Variants in TMEM135 observed in about 807,000 individuals in gnomAD.
TMEM135 encodes the protein peroxisomal membrane protein 52.
TMEM135 carries 30 observed loss-of-function variants against 60.3 expected under a neutral mutation model. The observed-to-expected ratio is 0.50, with a 90% CI of 0.37 to 0.68. The LOEUF (loss-of-function observed/expected upper bound fraction) is 0.68. TMEM135 is among the 30% of genes least tolerant of loss of function. The pLI is 0.00. For synonymous variants in TMEM135, 190 were observed against 186.7 expected, an observed-to-expected ratio of 1.02 and a Z score of -0.14; for missense variants, 468 against 548.8, an observed-to-expected ratio of 0.85 and a Z score of 1.47.
In TMEM135 at chr11:87,323,499, A is replaced by C. The variant is rs1399766143; in HGVS notation, c.*2166A>C. On this transcript the variant is annotated 3_prime_UTR_variant, in exon 15 of 15. Transcript: ENST00000305494. ...TGATTGACAACTTTTTGGCATTATA[A>C]ATAAAGTAAAATAGATCTCTGCATT... is the stretch of plus-strand genomic sequence containing the variant. 2.2e-6 allele frequency: 1 copy of C among 453,942 alleles called. No homozygotes were observed. The allele number at this position is 453,942 out of a possible 1,614,324, so 28.1% of individuals were successfully genotyped here.
At chr11:87,152,555 C>A (rs1359285151) in intron 4 of TMEM135, among the ~76,000 whole-genome samples, 1 of 152,198 alleles carries the variant, frequency 6.6e-6, no homozygotes. Flanking sequence ...TCTCCAGCCT[C>A]AGCCTTCCAA....
intron 1 of TMEM135, among the ~76,000 whole-genome samples, chr11:87,043,908 C>T (rs777792768): frequency 2.6e-5 from 4 of 152,054 alleles, no homozygotes; most frequent in Non-Finnish European, 5.9e-5. Flanking sequence ...GTTCACTAAC[C>T]TCAGATGGTT....
chr11:87,298,231 T>C (rs10792938), intron 7 of TMEM135, among the ~76,000 whole-genome samples: 95,738 of 151,846 alleles, frequency 0.63, 30,461 homozygotes, highest in Non-Finnish European at 0.67. Flanking sequence ...CAATTTAATA[T>C]GAGCTCCTGA....
At chr11:87,123,946 G>T (rs1173657168) in intron 4 of TMEM135, among the ~76,000 whole-genome samples, 1 of 152,190 alleles carries the variant, frequency 6.6e-6, no homozygotes, top group Non-Finnish European at 1.5e-5. Flanking sequence ...ATATAGCTAA[G>T]AAACAGTGAC....
intron 4 of TMEM135, among the ~76,000 whole-genome samples, chr11:87,142,738 C>T (rs976753177): frequency 4.0e-5 from 6 of 151,060 alleles, no homozygotes; most frequent in Admixed American, 2.7e-4. Flanking sequence ...CCTTCCTCTC[C>T]TCTCCCTCTT....
intron 6 of TMEM135, among the ~76,000 whole-genome samples, chr11:87,264,625 G>C (rs1941715863): frequency 6.6e-6 from 1 of 151,840 alleles, no homozygotes; most frequent in Non-Finnish European, 1.5e-5. Flanking sequence ...TTTGAATGCA[G>C]TCTGTACATT....
chr11:87,297,696 T>G (rs7931059), intron 7 of TMEM135, among the ~76,000 whole-genome samples: 95,913 of 152,066 alleles, frequency 0.63, 30,527 homozygotes, highest in Non-Finnish European at 0.67. Context: ...TGCACTTAAA[T>G]TTTCTCTGTA....
intron 1 of TMEM135, among the ~76,000 whole-genome samples, chr11:87,046,829 T>C (rs1286345243): frequency 6.6e-6 from 1 of 152,180 alleles, no homozygotes; most frequent in Non-Finnish European, 1.5e-5. Flanking sequence ...GTAGTGTTAC[T>C]GAGTCTTGAA....
chr11:87,189,758 G>GAAA (rs796303818), intron 5 of TMEM135, among the ~76,000 whole-genome samples: 2 of 115,558 alleles, frequency 1.7e-5, no homozygotes, highest in Non-Finnish European at 3.6e-5. Context: ...CGTCTCCACA[G>GAAA]AAAAAAAAAA....
chr11:87,223,415 C>T (rs1940691365), intron 5 of TMEM135, among the ~76,000 whole-genome samples: 1 of 152,050 alleles, frequency 6.6e-6, no homozygotes, highest in Non-Finnish European at 1.5e-5. Flanking sequence ...TGTGATCTGC[C>T]TGCCTTGGTC....
chr11:87,231,540 G>A (rs971031616), intron 5 of TMEM135, among the ~76,000 whole-genome samples: 1 of 152,054 alleles, frequency 6.6e-6, no homozygotes, highest in African/African-American at 2.4e-5. Flanking sequence ...CAAAGCTCAA[G>A]AAAACTTATG....
chr11:87,314,479 G>T lies in TMEM135; in HGVS notation c.1009G>T (p.Ala337Ser). ...CTTATTTCTTGTTTCAGGATTTTTG[G>T]CAGGTATATCAATGATGTTTTATAA... ...ELHAIIAGFL[A>S]GISMMFYKST... The change falls in exon 12 of 15, where the codon GCA (alanine) becomes TCA (serine). Residue 337 changes from alanine (A) to serine (S), a missense_variant. Transcript: ENST00000305494. 6.2e-7 allele frequency: 1 copy of T among 1,609,796 alleles called. No homozygotes were observed. The highest frequency in any genetic ancestry group is 2.2e-5 in the East Asian group (1 of 44,668).
At chr11:87,088,703 A>G (rs371512501) in intron 3 of TMEM135, among the ~76,000 whole-genome samples, 183 of 152,314 alleles carry the variant, frequency 1.2e-3, no homozygotes, top group African/African-American at 4.3e-3. Flanking sequence ...TTCCAATGTC[A>G]CAATCTCCAA....
intron 13 of TMEM135, 111 bp from the exon 14 acceptor site, chr11:87,319,199 T>A (rs1349721084): frequency 2.1e-6 from 2 of 931,888 alleles, no homozygotes; most frequent in African/African-American, 3.3e-5. Context: ...AAGGCATATT[T>A]ACAAAAATTC....
intron 5 of TMEM135, among the ~76,000 whole-genome samples, chr11:87,226,568 T>C (rs546235978): frequency 1.3e-5 from 2 of 152,312 alleles, no homozygotes; most frequent in South Asian, 2.1e-4. Flanking sequence ...AAAACTTTAC[T>C]TTAAATTGTC....
chr11:87,067,935 A>G (rs1856698981), intron 2 of TMEM135, 114 bp downstream of exon 2: 6 of 1,319,240 alleles, frequency 4.5e-6, no homozygotes, highest in Non-Finnish European at 6.4e-6. Flanking sequence ...CCCTTTTTTT[A>G]ATCTGTGAAG....
intron 5 of TMEM135, among the ~76,000 whole-genome samples, chr11:87,180,720 A>G (rs1487861652): frequency 6.6e-6 from 1 of 152,200 alleles, no homozygotes; most frequent in Non-Finnish European, 1.5e-5. Flanking sequence ...TTGACTTTGA[A>G]GTCACAGCCC....
chr11:87,173,414 T>C (rs1297596498), intron 5 of TMEM135, among the ~76,000 whole-genome samples: 1 of 152,352 alleles, frequency 6.6e-6, no homozygotes, highest in East Asian at 1.9e-4. Flanking sequence ...GGGTTTTAAT[T>C]GTAAACTAAA....
At chr11:87,125,957 C>T (rs764536552) in intron 4 of TMEM135, among the ~76,000 whole-genome samples, 24 of 152,206 alleles carry the variant, frequency 1.6e-4, no homozygotes, top group South Asian at 2.1e-4. Context: ...AAGCAAATTT[C>T]GTACTCATTA....
Sources: allele counts gnomAD v4.1 joint callset (sites outside exome capture counted in the v4.1 genomes callset), GRCh38; gene constraint gnomAD v4.1.1; transcripts MANE v1.5; gene names NCBI Gene and HGNC (gene_info 2026-07-23, HGNC 2026-07-21).